ST7: variants seen among roughly 807,000 people sequenced by gnomAD.
ST7 encodes the protein suppression of tumorigenicity 7, also known as suppressor of tumorigenicity 7 protein.
A neutral mutation model predicts 78.7 loss-of-function variants in ST7; 28 were observed. The ratio of observed to expected loss-of-function variants is 0.36; its 90% CI spans 0.26 to 0.49. The LOEUF (loss-of-function observed/expected upper bound fraction) is 0.49, where lower values mean the gene tolerates loss of function less well. Among genes scored for constraint, ST7 ranks in the 20% least tolerant of loss-of-function variants. The pLI, the probability that ST7 is intolerant of heterozygous loss-of-function variation, is 0.99. For missense variants in ST7, 418 were observed against 696.0 expected, an observed-to-expected ratio of 0.60 and a Z score of 4.49; for synonymous variants, 247 against 249.6, an observed-to-expected ratio of 0.99 and a Z score of 0.10.
At chr7:117,134,777 T>C (rs1804644992) in intron 7 of ST7, among the ~76,000 whole-genome samples, 3 of 152,080 alleles carry the variant, frequency 2.0e-5, no homozygotes, top group Admixed American at 2.0e-4. Context: ...TTCCAAGTCA[T>C]GGATGCTGCC....
intron 6 of ST7, among the ~76,000 whole-genome samples, chr7:117,133,579 T>C (rs1379778472): frequency 6.6e-6 from 1 of 151,824 alleles, no homozygotes. Context: ...CTTTTTTTTT[T>C]ACTTATTTGC....
chr7:117,165,829 C>T (rs1807511490), intron 9 of ST7, among the ~76,000 whole-genome samples: 1 of 152,040 alleles, frequency 6.6e-6, no homozygotes, highest in African/African-American at 2.4e-5. Flanking sequence ...GGAGAGCACT[C>T]CAGGGAGGAG....
intron 1 of ST7, among the ~76,000 whole-genome samples, chr7:116,983,769 T>C (rs950511509): frequency 6.6e-6 from 1 of 152,122 alleles, no homozygotes; most frequent in Admixed American, 6.5e-5. Context: ...TTTAGAACTA[T>C]GTAGGAAGGG....
chr7:116,993,540 G>A (rs1794519503), intron 1 of ST7, among the ~76,000 whole-genome samples: 1 of 152,192 alleles, frequency 6.6e-6, no homozygotes, highest in African/African-American at 2.4e-5. Context: ...GATGAGATTT[G>A]GGTGGGGACA....
rs186651025 is a variant in ST7 at position 117,034,300 on chromosome 7, C to A, written c.152-65462C>A. ...CTAGTAAAGGCTCAATGAATGCTAC[C>A]TACTGTTATTAGGTATTATTATATT... On this transcript the variant is annotated intron_variant, in intron 1 of 15. Transcript: ENST00000323984. Among the ~76,000 whole-genome samples the A allele has an allele frequency of 4.3e-4, 65 of 152,244 alleles. 1 individual carries two copies. In the East Asian group the frequency reaches 7.3e-3, roughly 17 times the overall value.
intron 1 of ST7, among the ~76,000 whole-genome samples, chr7:117,023,644 G>A (rs1477390498): frequency 6.6e-6 from 1 of 152,156 alleles, no homozygotes; most frequent in Non-Finnish European, 1.5e-5. Context: ...TAGCGTGTCT[G>A]CTCTTTAACT....
At chr7:117,109,000 A>T (rs1405158409) in intron 2 of ST7, among the ~76,000 whole-genome samples, 1 of 152,146 alleles carries the variant, frequency 6.6e-6, no homozygotes, top group Non-Finnish European at 1.5e-5. Context: ...AGCTTTTTGG[A>T]TGAGTCTTTA....
intron 1 of ST7, among the ~76,000 whole-genome samples, chr7:117,037,972 A>G (rs1491001285): frequency 3.9e-5 from 6 of 152,164 alleles, no homozygotes; most frequent in Non-Finnish European, 7.4e-5. Flanking sequence ...AAGGGGCTGG[A>G]CTTTTTATTG....
chr7:117,221,163 A>G (rs553956864), intron 14 of ST7, among the ~76,000 whole-genome samples: 30 of 152,298 alleles, frequency 2.0e-4, no homozygotes, highest in Admixed American at 3.9e-4. Flanking sequence ...CCTCTGTACC[A>G]CAGCTTTTTG....
intron 1 of ST7, among the ~76,000 whole-genome samples, chr7:116,957,465 G>A (rs1255562278): frequency 6.6e-6 from 1 of 151,930 alleles, no homozygotes; most frequent in Non-Finnish European, 1.5e-5. Flanking sequence ...CCCTAGTAGC[G>A]AGTACTACAG....
chr7:117,125,787 T>G (rs1164026410), intron 3 of ST7, among the ~76,000 whole-genome samples: 1 of 152,070 alleles, frequency 6.6e-6, no homozygotes, highest in East Asian at 1.9e-4. Context: ...AAGTTCCTAA[T>G]GTTTTTCCAG....
At chr7:117,000,714 T>C (rs774115088) in intron 1 of ST7, among the ~76,000 whole-genome samples, 2 of 152,214 alleles carry the variant, frequency 1.3e-5, no homozygotes, top group South Asian at 2.1e-4. Flanking sequence ...AGTACTGCCA[T>C]GTGGAAATGT....
intron 2 of ST7, among the ~76,000 whole-genome samples, chr7:117,111,731 G>A (rs1350506529): frequency 6.6e-6 from 1 of 152,126 alleles, no homozygotes; most frequent in South Asian, 2.1e-4. Flanking sequence ...CCATCCACAA[G>A]AACTGCACCT....
At chr7:117,011,524 G>A (rs1795383178) in intron 1 of ST7, among the ~76,000 whole-genome samples, 1 of 152,154 alleles carries the variant, frequency 6.6e-6, no homozygotes. Flanking sequence ...ACATACAGGG[G>A]TTCTAGAATT....
intron 1 of ST7, among the ~76,000 whole-genome samples, chr7:117,019,527 G>A (rs1392418792): frequency 6.6e-6 from 1 of 152,150 alleles, no homozygotes; most frequent in Non-Finnish European, 1.5e-5. Context: ...GAGTTGCTCT[G>A]GAAAATGACA....
intron 1 of ST7, chr7:116,959,475 A>G: frequency 3.2e-6 from 1 of 308,330 alleles, no homozygotes. Flanking sequence ...TCCTTGTACA[A>G]AGTAGGTCCT....
At chr7:117,087,821 C>T (rs1800277093) in intron 1 of ST7, among the ~76,000 whole-genome samples, 1 of 152,196 alleles carries the variant, frequency 6.6e-6, no homozygotes, top group Non-Finnish European at 1.5e-5. Flanking sequence ...TTTAACTCTG[C>T]AACATCTGAT....
chr7:117,050,799 G>A (rs537709914), intron 1 of ST7, among the ~76,000 whole-genome samples: 7 of 151,890 alleles, frequency 4.6e-5, no homozygotes, highest in Non-Finnish European at 8.8e-5. Flanking sequence ...GCGTGATGGC[G>A]CACGCCTGTA....
At chr7:117,014,916 G>T (rs1795537749) in intron 1 of ST7, 1 of 1,205,142 alleles carries the variant, frequency 8.3e-7, no homozygotes, top group African/African-American at 1.6e-5. Flanking sequence ...TCCCCAGAAC[G>T]GTTCGTCAGT....
Sources: allele counts gnomAD v4.1 joint callset (sites outside exome capture counted in the v4.1 genomes callset), GRCh38; gene constraint gnomAD v4.1.1; transcripts MANE v1.5; gene names NCBI Gene and HGNC (gene_info 2026-07-23, HGNC 2026-07-21).